The following TBK1 variants were observed in gnomAD, a reference collection of about 807,000 sequenced individuals.
The protein encoded by TBK1 is serine/threonine-protein kinase TBK1.
TBK1 carries 37 observed loss-of-function variants against 99.9 expected under a neutral mutation model. The ratio of observed to expected loss-of-function variants is 0.37; its 90% CI spans 0.28 to 0.49. The LOEUF is 0.49. Among genes scored for constraint, TBK1 ranks in the 20% least tolerant of loss-of-function variants. The pLI, the probability that TBK1 is intolerant of heterozygous loss-of-function variation, is 0.98. For missense variants in TBK1, 644 were observed against 872.5 expected (o/e 0.74, Z 3.30); for synonymous variants, 258 against 279.8 (o/e 0.92, Z 0.78).
chr12:64,462,273 TAA>T (rs2040555769), intron 3 of TBK1, among the ~76,000 whole-genome samples: 1 of 152,204 alleles, frequency 6.6e-6, no homozygotes, highest in African/African-American at 2.4e-5. Flanking sequence ...TCTCTTTGGG[TAA>T]AGTTAATTTT....
At chr12:64,492,999 C>T (rs1277642365) in intron 13 of TBK1, among the ~76,000 whole-genome samples, 4 of 150,494 alleles carry the variant, frequency 2.7e-5, no homozygotes, top group Non-Finnish European at 5.9e-5. Flanking sequence ...GGGTTCACGC[C>T]ATTCTCCTGC....
At chr12:64,479,770 C>G (rs2040749938) in intron 6 of TBK1, among the ~76,000 whole-genome samples, 1 of 152,054 alleles carries the variant, frequency 6.6e-6, no homozygotes, top group Non-Finnish European at 1.5e-5. Context: ...TGTTATAAAG[C>G]ACTGTGAGAT....
chr12:64,469,392 A>C (rs943524322), intron 5 of TBK1, among the ~76,000 whole-genome samples: 1 of 152,022 alleles, frequency 6.6e-6, no homozygotes, highest in Non-Finnish European at 1.5e-5. Context: ...TCTCCGTCCT[A>C]CATGACATTT....
chr12:64,498,477 A>G (rs780881076), intron 20 of TBK1, among the ~76,000 whole-genome samples: 4 of 152,240 alleles, frequency 2.6e-5, no homozygotes, highest in Non-Finnish European at 4.4e-5. Flanking sequence ...CAAAATCCTA[A>G]TAGATAAGGC....
intron 3 of TBK1, among the ~76,000 whole-genome samples, chr12:64,461,690 A>G (rs1274358018): frequency 6.6e-6 from 1 of 152,224 alleles, no homozygotes; most frequent in Non-Finnish European, 1.5e-5. Flanking sequence ...CAAACTGCAC[A>G]GAGAGAACAG....
chr12:64,460,620 G>A (rs962318284), intron 3 of TBK1, among the ~76,000 whole-genome samples: 6 of 152,112 alleles, frequency 3.9e-5, no homozygotes, highest in Admixed American at 1.3e-4. Context: ...TAGATCATGC[G>A]GTCAAGAGAT....
chr12:64,452,387 G>A (rs1416550043), intron 1 of TBK1, 200 bp downstream of exon 1: 2 of 152,244 alleles, frequency 1.3e-5, no homozygotes, highest in Non-Finnish European at 2.9e-5. Flanking sequence ...CGTGGACACT[G>A]CCTCTGGGGT....
In TBK1 at chr12:64,499,058, T is replaced by TTTC. The variant is rs753957644; in HGVS notation, c.2138+1019_2138+1020insTTC. Among the ~76,000 whole-genome samples, 805 of 133,280 alleles carry TTTC rather than the reference T, an allele frequency of 6.0e-3. 7 individuals are homozygous for TTTC. Among genetic ancestry groups the TTTC allele is most frequent in the Middle Eastern group, 0.013 (3 of 234 alleles). The allele number at this position is 133,280 out of a possible 152,430, so 87.4% of individuals were successfully genotyped here. ...TATTCTTTTTTTTTTTTTTTTTTTT[T>TTTC]CCCCCGAGACGGAGTTTCGCTGTTG... On this transcript the variant is annotated intron_variant, in intron 20 of 20. Transcript: ENST00000331710.
intron 2 of TBK1, among the ~76,000 whole-genome samples, chr12:64,458,864 CTG>C (rs1337139562): frequency 6.6e-6 from 1 of 152,176 alleles, no homozygotes; most frequent in Non-Finnish European, 1.5e-5. Flanking sequence ...TGAAACTGAA[CTG>C]TACTTAAATT....
At chr12:64,488,443 A>G in intron 11 of TBK1, 44 bp from the exon 12 acceptor site, 7 of 1,235,304 alleles carry the variant, frequency 5.7e-6, no homozygotes, top group East Asian at 5.3e-5. Flanking sequence ...GATAGAAAAA[A>G]TAACTCCTTA....
At chr12:64,480,909 A>C (rs936966478) in intron 7 of TBK1, among the ~76,000 whole-genome samples, 4 of 152,176 alleles carry the variant, frequency 2.6e-5, no homozygotes, top group Non-Finnish European at 5.9e-5. Flanking sequence ...TTAAATAAAT[A>C]AATATATAAA....
Position 64,480,064 on chromosome 12 carries a change from G to T in TBK1, c.754G>T (p.Ala252Ser). The T allele has an allele frequency of 6.2e-7, 1 of 1,613,064 alleles. No individual in the cohort carries two copies. Among genetic ancestry groups the T allele is most frequent in the Non-Finnish European group, 8.5e-7 (1 of 1,179,464 alleles). The change falls in exon 7 of 21, where the codon GCA becomes TCA. Residue 252 changes from alanine to serine, a missense_variant. Transcript: ENST00000331710. ...TGGTGCAATATCTGGAGTACAGAAAGCAGAAAATGGACCAATTGACTGGAG... is the reference window on the plus strand; with the variant it reads ...TGGTGCAATATCTGGAGTACAGAAATCAGAAAATGGACCAATTGACTGGAG... ...PSGAISGVQK[A>S]ENGPIDWSGD...
At chr12:64,469,601 C>A (rs1381121979) in intron 5 of TBK1, among the ~76,000 whole-genome samples, 1 of 152,162 alleles carries the variant, frequency 6.6e-6, no homozygotes, top group Non-Finnish European at 1.5e-5. Context: ...CTTCACTTTC[C>A]CCAGTTCAGA....
At chr12:64,456,616 G>A (rs570306787) in intron 2 of TBK1, among the ~76,000 whole-genome samples, 3 of 152,170 alleles carry the variant, frequency 2.0e-5, no homozygotes, top group South Asian at 2.1e-4. Flanking sequence ...CGAGGCAGGC[G>A]GATCACGAGG....
chr12:64,467,152 GT>G, intron 5 of TBK1, 70 bp downstream of exon 5: 1 of 1,217,720 alleles, frequency 8.2e-7, no homozygotes, highest in Non-Finnish European at 1.1e-6. Flanking sequence ...TGGGTAATTG[GT>G]CAGCCAATTC....
intron 13 of TBK1, among the ~76,000 whole-genome samples, chr12:64,491,793 A>C (rs1257010051): frequency 6.6e-6 from 1 of 152,220 alleles, no homozygotes; most frequent in African/African-American, 2.4e-5. Context: ...GATCTCAAAC[A>C]GTGGTTTTCA....
intron 5 of TBK1, among the ~76,000 whole-genome samples, chr12:64,473,679 A>G (rs1331513194): frequency 6.6e-6 from 1 of 152,180 alleles, no homozygotes; most frequent in Non-Finnish European, 1.5e-5. Flanking sequence ...TAATCCCAGT[A>G]CTTTGAAAGG....
chr12:64,487,199 A>C (rs2136080483), intron 11 of TBK1, among the ~76,000 whole-genome samples: 1 of 152,268 alleles, frequency 6.6e-6, no homozygotes, highest in South Asian at 2.1e-4. Flanking sequence ...CTCTTTTGGA[A>C]ATTATGCTTG....
chr12:64,468,720 TTAAGG>T (rs1245920724), intron 5 of TBK1, among the ~76,000 whole-genome samples: 1 of 151,996 alleles, frequency 6.6e-6, no homozygotes, highest in Non-Finnish European at 1.5e-5. Context: ...AGACAATAAA[TTAAGG>T]TAATAAGATA....
Sources: allele counts gnomAD v4.1 joint callset (sites outside exome capture counted in the v4.1 genomes callset), GRCh38; gene constraint gnomAD v4.1.1; transcripts MANE v1.5; gene names NCBI Gene and HGNC (gene_info 2026-07-23, HGNC 2026-07-21).